Variants in ATP8A2 observed in about 807,000 individuals in gnomAD.
The protein encoded by ATP8A2 is ATPase phospholipid transporting 8A2.
In ATP8A2, 100 loss-of-function variants were observed where a neutral mutation model predicts 165.6. The ratio of observed to expected loss-of-function variants is 0.60; its 90% confidence interval spans 0.51 to 0.71. The LOEUF (loss-of-function observed/expected upper bound fraction) is 0.71. ATP8A2 is among the 30% of genes least tolerant of loss of function. ATP8A2 has a pLI of 0.00. For missense variants in ATP8A2, 1,227 were observed against 1,479.5 expected (o/e 0.83, Z 2.80); for synonymous variants, 543 against 548.8 (o/e 0.99, Z 0.15).
At chr13:25,780,580 A>G (rs1233260385) in intron 27 of ATP8A2, among the ~76,000 whole-genome samples, 1 of 152,220 alleles carries the variant, frequency 6.6e-6, no homozygotes, top group Non-Finnish European at 1.5e-5. Context: ...ACAAGCCTAA[A>G]ACAAGCAAAC....
At chr13:25,947,762 C>T (rs1955251890) in intron 33 of ATP8A2, among the ~76,000 whole-genome samples, 3 of 152,110 alleles carry the variant, frequency 2.0e-5, no homozygotes, top group South Asian at 2.1e-4. Flanking sequence ...CGTGGTCAGC[C>T]TTTTGATGTG....
chr13:25,840,178 C>T (rs1432361871), intron 30 of ATP8A2, among the ~76,000 whole-genome samples: 2 of 152,080 alleles, frequency 1.3e-5, no homozygotes, highest in Admixed American at 6.5e-5. Flanking sequence ...GTGGCAGACT[C>T]GGCGTTTTTT....
chr13:25,611,542 T>C (rs2040687721), intron 24 of ATP8A2, among the ~76,000 whole-genome samples: 1 of 152,196 alleles, frequency 6.6e-6, no homozygotes, highest in Non-Finnish European at 1.5e-5. Context: ...TTGGATTTGG[T>C]TAGCTAGCAT....
rs867235273 is a variant in ATP8A2, at chr13:25,953,539, A to C, written c.3184-8036A>C. Among the ~76,000 whole-genome samples the C allele has an allele frequency of 0.019, 2,694 of 141,828 alleles. 103 individuals carry two copies. Among genetic ancestry groups the C allele is most frequent in the African/African-American group, 0.067 (2,536 of 37,608 alleles). The allele number at this position is 141,828 out of a possible 152,430, so 93.0% of individuals were successfully genotyped here. ...AGCCTTTTTAAAAAAAAAAAAAAAA[A>C]AAAAAAAGCAAGGGAAATAGGCAAG... On this transcript the variant is annotated intron_variant, in intron 33 of 36. Coordinates refer to ENST00000381655, the MANE Select transcript of ATP8A2 (RefSeq NM_016529.6). This position sits in a 1 kb window ranked among gnomAD's most constrained non-coding sequence, Gnocchi z 6.7.
chr13:25,879,383 T>C (rs1952908421), intron 33 of ATP8A2, among the ~76,000 whole-genome samples: 1 of 152,154 alleles, frequency 6.6e-6, no homozygotes, highest in Non-Finnish European at 1.5e-5. Context: ...GCCAGGATCT[T>C]TGGTTACAAT....
chr13:25,393,147 T>TTTTTTTAA, intron 1 of ATP8A2, among the ~76,000 whole-genome samples: 1 of 151,462 alleles, frequency 6.6e-6, no homozygotes, highest in Admixed American at 6.6e-5. Flanking sequence ...TTTTTTTTTT[T>TTTTTTTAA]AAGACAGAGG....
intron 1 of ATP8A2, among the ~76,000 whole-genome samples, chr13:25,404,338 G>A (rs1227673089): frequency 2.6e-5 from 4 of 152,214 alleles, no homozygotes; most frequent in African/African-American, 7.2e-5. Flanking sequence ...CATTTGTGGA[G>A]CAAGGCAGAA....
intron 1 of ATP8A2, among the ~76,000 whole-genome samples, chr13:25,457,664 A>G (rs764313376): frequency 2.0e-5 from 3 of 152,242 alleles, no homozygotes; most frequent in Non-Finnish European, 4.4e-5. Context: ...CATGGCAAAG[A>G]CAACAAATCG....
chr13:25,450,073 C>T (rs1333950355), intron 1 of ATP8A2, among the ~76,000 whole-genome samples: 2 of 152,068 alleles, frequency 1.3e-5, no homozygotes, highest in African/African-American at 2.4e-5. Flanking sequence ...TGAGAACATG[C>T]GGTATTTGGT....
At position 25,428,291 on chromosome 13, in the gene ATP8A2, A is replaced by G. The variant is rs146867169; in HGVS notation, c.77-40686A>G. On this transcript the variant is annotated intron_variant, in intron 1 of 36. Coordinates refer to ENST00000381655, the MANE Select transcript of ATP8A2 (RefSeq NM_016529.6). Reference sequence around the variant, plus strand: ...TTTATGAAGCATGCCTCAGTTTCCAATCTTTACTTCCTACAGAGTTCTGCA... The same window carrying G: ...TTTATGAAGCATGCCTCAGTTTCCAGTCTTTACTTCCTACAGAGTTCTGCA... Among the ~76,000 whole-genome samples, 38 of 152,284 alleles carry G rather than the reference A, an allele frequency of 2.5e-4. 1 individual carries two copies. The highest frequency in any genetic ancestry group is 7.7e-4 in the African/African-American group (32 of 41,552).
At chr13:25,440,051 C>T (rs1354939152) in intron 1 of ATP8A2, among the ~76,000 whole-genome samples, 1 of 152,020 alleles carries the variant, frequency 6.6e-6, no homozygotes. Context: ...ATGTGCCATC[C>T]ATCTGTCCTT....
At chr13:25,843,056 T>C (rs1951781628) in intron 30 of ATP8A2, among the ~76,000 whole-genome samples, 1 of 152,110 alleles carries the variant, frequency 6.6e-6, no homozygotes, top group African/African-American at 2.4e-5. Flanking sequence ...GGTAAGAGGC[T>C]CTCTGAGGGC....
chr13:25,688,246 C>T (rs1375878362), intron 24 of ATP8A2, among the ~76,000 whole-genome samples: 1 of 152,110 alleles, frequency 6.6e-6, no homozygotes, highest in Admixed American at 6.6e-5. Flanking sequence ...CTCTGTATTT[C>T]AGTGTTAACA....
At chr13:25,548,740 A>G (rs953097850) in intron 10 of ATP8A2, among the ~76,000 whole-genome samples, 1 of 152,244 alleles carries the variant, frequency 6.6e-6, no homozygotes, top group Non-Finnish European at 1.5e-5. Context: ...CAAATAAAGT[A>G]AAAGGGAAAA....
At chr13:25,893,410 A>G (rs1265356196) in intron 33 of ATP8A2, among the ~76,000 whole-genome samples, 2 of 151,800 alleles carry the variant, frequency 1.3e-5, no homozygotes, top group African/African-American at 4.8e-5. Context: ...ATAGTATTCC[A>G]TGGTGTATAT....
intron 24 of ATP8A2, among the ~76,000 whole-genome samples, chr13:25,696,574 A>G (rs1252282561): frequency 6.6e-6 from 1 of 152,178 alleles, no homozygotes; most frequent in Non-Finnish European, 1.5e-5. Context: ...CTTTTATGTT[A>G]TGGAGACAGC....
intron 2 of ATP8A2, among the ~76,000 whole-genome samples, chr13:25,507,488 ACT>A (rs2037087569): frequency 6.6e-6 from 1 of 151,804 alleles, no homozygotes; most frequent in Non-Finnish European, 1.5e-5. Flanking sequence ...CTGGTCACGA[ACT>A]CCTGACCTCA....
intron 2 of ATP8A2, among the ~76,000 whole-genome samples, chr13:25,490,390 C>T (rs1304241960): frequency 6.6e-6 from 1 of 152,200 alleles, no homozygotes; most frequent in African/African-American, 2.4e-5. Context: ...AGCCGGGGCT[C>T]CCATGCCTGA....
chr13:25,754,772 A>T (rs2044226616), intron 25 of ATP8A2, among the ~76,000 whole-genome samples: 1 of 152,184 alleles, frequency 6.6e-6, no homozygotes, highest in Admixed American at 6.5e-5. Context: ...GATTATTATG[A>T]TAGAGAATAA....
Sources: allele counts gnomAD v4.1 joint callset (sites outside exome capture counted in the v4.1 genomes callset), GRCh38; gene constraint gnomAD v4.1.1; non-coding constraint Gnocchi (gnomAD v3.1); transcripts MANE v1.5; gene names NCBI Gene and HGNC (gene_info 2026-07-23, HGNC 2026-07-21).